The following PRCP variants were observed in gnomAD, a reference collection of about 807,000 sequenced individuals.
PRCP encodes prolylcarboxypeptidase.
A neutral mutation model predicts 54.2 loss-of-function variants in PRCP; 46 were observed. The ratio of observed to expected loss-of-function variants is 0.85; its 90% CI spans 0.67 to 1.09. PRCP has a LOEUF of 1.09. PRCP is among the 50% of genes least tolerant of loss of function. The probability of loss-of-function intolerance (pLI) is 0.00; values close to 1 mark genes in which losing one functional copy is unlikely to be tolerated. For synonymous variants in PRCP, 240 were observed against 212.2 expected (o/e 1.13, Z -1.14); for missense variants, 613 against 596.8 (o/e 1.03, Z -0.28).
chr11:82,883,491 T>C (rs1055831754), intron 1 of PRCP, among the ~76,000 whole-genome samples: 6 of 152,166 alleles, frequency 3.9e-5, no homozygotes, highest in African/African-American at 1.4e-4. Context: ...ATAATAAATA[T>C]TAGAGTTTTT....
At chr11:82,856,953 G>A (rs1047141058) in intron 2 of PRCP, among the ~76,000 whole-genome samples, 4 of 149,574 alleles carry the variant, frequency 2.7e-5, no homozygotes, top group Admixed American at 6.7e-5. Flanking sequence ...GGAAAATGGC[G>A]TGAACCTGGG....
intron 1 of PRCP, among the ~76,000 whole-genome samples, chr11:82,898,580 G>C (rs1231657802): frequency 1.3e-5 from 2 of 152,156 alleles, no homozygotes; most frequent in Non-Finnish European, 2.9e-5. Context: ...ATCCAAGAGA[G>C]GGTACTAGAG....
chr11:82,882,142 G>C (rs1225268092), intron 1 of PRCP, among the ~76,000 whole-genome samples: 2 of 152,088 alleles, frequency 1.3e-5, no homozygotes, highest in Non-Finnish European at 2.9e-5. Context: ...AGAAAGAGGA[G>C]GGGTTGGTCT....
At chr11:82,891,325 C>T (rs1565236851) in intron 1 of PRCP, among the ~76,000 whole-genome samples, 1 of 152,186 alleles carries the variant, frequency 6.6e-6, no homozygotes, top group Non-Finnish European at 1.5e-5. Context: ...GCCTCCACCA[C>T]TACCACACTA....
Position 82,900,374 on chromosome 11 carries a change from A to C in PRCP, c.29T>G (p.Leu10Arg), listed in dbSNP as rs531372848. ...GGCCCAGGGCGCCAGAAAAGACAGAAGCAGGAGCAGGAGGGCTCGGCGGCC... is the reference window on the plus strand; with the variant it reads ...GGCCCAGGGCGCCAGAAAAGACAGACGCAGGAGCAGGAGGGCTCGGCGGCC... The part of the protein sequence containing the change: MGRRALLLL[L>R]LSFLAPWATI... The change falls in exon 1 of 9, where the codon CTT (leucine) becomes CGT (arginine). Residue 10 changes from leucine (L) to arginine (R), a missense_variant. Coordinates refer to ENST00000313010, the MANE Select transcript of PRCP (RefSeq NM_005040.4). 4 of 1,613,900 alleles carry C rather than the reference A, an allele frequency of 2.5e-6. No homozygotes were observed. The African/African-American group carries it at 5.3e-5, about 22-fold the overall frequency.
At chr11:82,877,202 A>G (rs61902271) in intron 1 of PRCP, among the ~76,000 whole-genome samples, 1,862 of 152,340 alleles carry the variant, frequency 0.012, 19 homozygotes, top group South Asian at 0.029. Flanking sequence ...AAGCATTCAA[A>G]ATGTGACTTG....
chr11:82,839,494 AAAG>A, intron 6 of PRCP, 69 bp from the exon 7 acceptor site: 2 of 1,451,696 alleles, frequency 1.4e-6, no homozygotes, highest in East Asian at 4.6e-5. Flanking sequence ...TTAATAACAC[AAAG>A]AAGAAATATG....
At chr11:82,852,627 T>C (rs1275435164) in intron 3 of PRCP, among the ~76,000 whole-genome samples, 1 of 152,148 alleles carries the variant, frequency 6.6e-6, no homozygotes, top group African/African-American at 2.4e-5. Context: ...AATGACTCAG[T>C]TGAAGAAAAA....
chr11:82,861,475 GGCT>G (rs1859206966), intron 1 of PRCP, among the ~76,000 whole-genome samples: 1 of 152,156 alleles, frequency 6.6e-6, no homozygotes, highest in Admixed American at 6.5e-5. Flanking sequence ...GGAAGGATCA[GGCT>G]GCTATCACTT....
chr11:82,885,827 G>A (rs900883552), intron 1 of PRCP, among the ~76,000 whole-genome samples: 12 of 152,152 alleles, frequency 7.9e-5, no homozygotes, highest in African/African-American at 2.4e-4. Flanking sequence ...TACTCAAGTT[G>A]TTGGGAAAGC....
intron 8 of PRCP, among the ~76,000 whole-genome samples, chr11:82,835,017 T>C (rs537202185): frequency 6.6e-6 from 1 of 152,250 alleles, no homozygotes; most frequent in African/African-American, 2.4e-5. Flanking sequence ...TGAGCCAAGA[T>C]CATGCCATTG....
chr11:82,844,553 A>G (rs1381181368), intron 6 of PRCP, among the ~76,000 whole-genome samples: 2 of 152,264 alleles, frequency 1.3e-5, no homozygotes, highest in Non-Finnish European at 1.5e-5. Context: ...CCTGGCCAAC[A>G]TGGTGAAACC....
At chr11:82,849,413 T>G (rs1315247679) in intron 5 of PRCP, among the ~76,000 whole-genome samples, 195 bp from the exon 6 acceptor site, 1 of 152,190 alleles carries the variant, frequency 6.6e-6, no homozygotes, top group African/African-American at 2.4e-5. Context: ...TAATTAGTAT[T>G]CAGAATTATT....
chr11:82,838,553 G>C lies in PRCP; in HGVS notation c.1108C>G (p.Pro370Ala). Reference protein sequence around the residue: ...SYQACTEVVMPFCTNGVDDMF... With the variant: ...SYQACTEVVMAFCTNGVDDMF... ...TCATCGACACCATTAGTACAAAAGG[G>C]CATGACTACTTCTGTGCAGGCCTAA... The change falls in exon 8 of 9, where the codon CCC becomes GCC. Residue 370 changes from proline to alanine, a missense_variant. Pro to Ala is a conservative substitution (Grantham distance 27, BLOSUM62 -1). Coordinates refer to ENST00000313010, the MANE Select transcript of PRCP (RefSeq NM_005040.4). 1.9e-6 allele frequency: 3 copies of C among 1,613,646 alleles called. No homozygotes were observed. The highest frequency in any genetic ancestry group is 2.5e-6 in the Non-Finnish European group (3 of 1,179,832).
At chr11:82,874,286 G>C (rs1304971346) in intron 1 of PRCP, among the ~76,000 whole-genome samples, 1 of 152,190 alleles carries the variant, frequency 6.6e-6, no homozygotes, top group Non-Finnish European at 1.5e-5. Flanking sequence ...TATAACAACA[G>C]TGAACAAGCT....
rs1859011163 is a variant in PRCP at position 82,853,556 on chromosome 11, T to C, written c.310-278A>G. ...TTATCCTGACACTCTAGCCCTAGCA[T>C]CAACATTATGTCTAAAATGGTCTTC... On this transcript the variant is annotated intron_variant, in intron 2 of 8. Coordinates refer to ENST00000313010, the MANE Select transcript of PRCP (RefSeq NM_005040.4). 2.6e-5 allele frequency among the ~76,000 whole-genome samples: 4 copies of C among 152,316 alleles called. No homozygotes were observed. The South Asian group carries it at 8.3e-4, about 32-fold the overall frequency.
At chr11:82,874,914 C>T (rs1859568893) in intron 1 of PRCP, among the ~76,000 whole-genome samples, 1 of 151,646 alleles carries the variant, frequency 6.6e-6, no homozygotes, top group Non-Finnish European at 1.5e-5. Context: ...CTTCTTTGTG[C>T]TTTCATGGTA....
chr11:82,877,735 G>A (rs556284812), intron 1 of PRCP, among the ~76,000 whole-genome samples: 13 of 152,212 alleles, frequency 8.5e-5, no homozygotes, highest in Non-Finnish European at 1.6e-4. Context: ...TGCTGCAGGG[G>A]TGGAGCCCTC....
rs1291357267 is a variant in PRCP, at chr11:82,869,368, A to G, written c.169-9251T>C. 4.6e-5 allele frequency among the ~76,000 whole-genome samples: 7 copies of G among 151,326 alleles called. 1 individual carries two copies. Among genetic ancestry groups the G allele is most frequent in the African/African-American group, 7.3e-5 (3 of 41,300 alleles). Reference sequence around the variant, plus strand: ...GAGACTCCATCTCAAAAAAAAAAAAAAAGAAGAAGAAAAGAAGAAAAGAAA... The same window carrying G: ...GAGACTCCATCTCAAAAAAAAAAAAGAAGAAGAAGAAAAGAAGAAAAGAAA... On this transcript the variant is annotated intron_variant, in intron 1 of 8. Coordinates refer to ENST00000313010, the MANE Select transcript of PRCP (RefSeq NM_005040.4).
Sources: allele counts gnomAD v4.1 joint callset (sites outside exome capture counted in the v4.1 genomes callset), GRCh38; gene constraint gnomAD v4.1.1; transcripts MANE v1.5; gene names NCBI Gene and HGNC (gene_info 2026-07-23, HGNC 2026-07-21).